The following NRG1 variants were observed in gnomAD, a reference collection of about 807,000 sequenced individuals.
NRG1 encodes neuregulin 1.
Under a neutral mutation model 63.8 loss-of-function variants are expected in NRG1, and 18 were observed. That is an observed-to-expected ratio of 0.28 (90% CI 0.19 to 0.42). The LOEUF (loss-of-function observed/expected upper bound fraction) is 0.42. Among genes scored for constraint, NRG1 ranks in the 10% least tolerant of loss-of-function variants. The pLI is 1.00. For synonymous variants in NRG1, 302 were observed against 301.3 expected (o/e 1.00, Z -0.02); for missense variants, 762 against 814.7 (o/e 0.94, Z 0.79).
intron 1 of NRG1, among the ~76,000 whole-genome samples, chr8:32,394,376 A>T (rs1362621218): frequency 5.9e-5 from 9 of 152,080 alleles, no homozygotes; most frequent in Non-Finnish European, 1.3e-4. Flanking sequence ...TCTGTCTACC[A>T]CTTTGTATCA....
At chr8:32,545,753 GA>G (rs1431507770), upstream of NRG1, among the ~76,000 whole-genome samples, 1 of 151,896 alleles carries the variant, frequency 6.6e-6, no homozygotes, top group African/African-American at 2.4e-5. Context: ...ACGATTTTTA[GA>G]AAAAAACCTT....
intron 1 of NRG1, among the ~76,000 whole-genome samples, chr8:31,938,034 G>A (rs1390249136): frequency 6.6e-6 from 1 of 152,112 alleles, no homozygotes; most frequent in Non-Finnish European, 1.5e-5. Context: ...CCTAGGGCAA[G>A]TTTGCAACCT....
At chr8:32,180,843 T>A (rs55856650) in intron 1 of NRG1, among the ~76,000 whole-genome samples, 8,541 of 152,128 alleles carry the variant, frequency 0.056, 402 homozygotes, top group East Asian at 0.26. Context: ...TTGTAAATAG[T>A]CCTCTTAGAA....
chr8:32,616,952 T>G, intron 5 of NRG1, 67 bp downstream of exon 5: 5 of 1,152,094 alleles, frequency 4.3e-6, no homozygotes, highest in Non-Finnish European at 6.6e-6. Context: ...TGGAAGGTCA[T>G]GTTCACGTCT....
chr8:32,213,202 G>A (rs572416556), intron 1 of NRG1, among the ~76,000 whole-genome samples: 1 of 152,164 alleles, frequency 6.6e-6, no homozygotes, highest in East Asian at 1.9e-4. Context: ...GCAAAGACAT[G>A]GAATTTACCC....
intron 6 of NRG1, among the ~76,000 whole-genome samples, chr8:32,733,226 G>A (rs1035552597): frequency 1.3e-5 from 2 of 152,042 alleles, no homozygotes; most frequent in Middle Eastern, 3.2e-3. Flanking sequence ...CTGATCATTA[G>A]TTTCCTTATA....
At chr8:31,860,460 T>C (rs1332645096) in intron 1 of NRG1, among the ~76,000 whole-genome samples, 5 of 152,162 alleles carry the variant, frequency 3.3e-5, no homozygotes, top group Non-Finnish European at 7.3e-5. Context: ...ACCTAATGAT[T>C]GATGTGAATC....
intron 1 of NRG1, among the ~76,000 whole-genome samples, chr8:31,720,048 A>G (rs1035279163): frequency 6.6e-6 from 1 of 152,160 alleles, no homozygotes; most frequent in Non-Finnish European, 1.5e-5. Flanking sequence ...GAAAAAAATA[A>G]CTTTTAAAAA....
At chr8:32,724,240 A>G (rs1821460737) in intron 5 of NRG1, among the ~76,000 whole-genome samples, 1 of 152,220 alleles carries the variant, frequency 6.6e-6, no homozygotes. Context: ...CTAGAAGACA[A>G]CTTACAAATT....
chr8:32,439,855 T>C (rs1819298801), intron 1 of NRG1, among the ~76,000 whole-genome samples: 1 of 142,476 alleles, frequency 7.0e-6, no homozygotes, highest in African/African-American at 2.5e-5. Context: ...ACTGCAGCCT[T>C]GATCTTCTGG....
At chr8:32,141,017 C>A (rs1045673372) in intron 1 of NRG1, among the ~76,000 whole-genome samples, 2 of 152,046 alleles carry the variant, frequency 1.3e-5, no homozygotes, top group African/African-American at 2.4e-5. Context: ...CTCTTTTTCT[C>A]TGTCAATTAT....
intron 1 of NRG1, among the ~76,000 whole-genome samples, chr8:32,258,733 A>T (rs1050656486): frequency 6.6e-6 from 1 of 152,128 alleles, no homozygotes; most frequent in Admixed American, 6.6e-5. Flanking sequence ...CACCCCCATG[A>T]TCCAATCACC....
At chr8:32,728,141 T>A in intron 6 of NRG1, 63 bp downstream of exon 6, 7 of 1,596,056 alleles carry the variant, frequency 4.4e-6, no homozygotes, top group Non-Finnish European at 6.0e-6. Flanking sequence ...TGATTCTATG[T>A]CTCATGATGT....
At chr8:32,622,193 A>T (rs539016965) in intron 5 of NRG1, among the ~76,000 whole-genome samples, 13 of 152,300 alleles carry the variant, frequency 8.5e-5, no homozygotes, top group African/African-American at 2.9e-4. Context: ...TGCTTGAGCA[A>T]ATTGATCATT....
intron 1 of NRG1, among the ~76,000 whole-genome samples, chr8:31,935,252 G>C (rs1369296667): frequency 1.3e-5 from 2 of 151,996 alleles, no homozygotes; most frequent in East Asian, 3.9e-4. Context: ...AAGTAGCTAG[G>C]ACCACAGACA....
intron 1 of NRG1, among the ~76,000 whole-genome samples, chr8:32,424,531 G>A (rs963606166): frequency 1.3e-5 from 2 of 152,192 alleles, no homozygotes; most frequent in Non-Finnish European, 2.9e-5. Flanking sequence ...TGAGTCAGGA[G>A]ATCTGGTTTA....
intron 1 of NRG1, among the ~76,000 whole-genome samples, chr8:31,674,421 C>T (rs576805002): frequency 7.9e-5 from 12 of 152,248 alleles, no homozygotes; most frequent in African/African-American, 2.9e-4. Context: ...ATACAAGTCC[C>T]TTATTGGATA....
chr8:32,410,472 C>T (rs1280511543), intron 1 of NRG1, among the ~76,000 whole-genome samples: 1 of 152,016 alleles, frequency 6.6e-6, no homozygotes, highest in African/African-American at 2.4e-5. Context: ...AGGCCAAAAG[C>T]ATCTTCTCAA....
chr8:31,773,787 A>G (rs1473363579), intron 1 of NRG1, among the ~76,000 whole-genome samples: 1 of 152,150 alleles, frequency 6.6e-6, no homozygotes, highest in Non-Finnish European at 1.5e-5. Context: ...GAGATGTTTA[A>G]TGATCCCCCC....
Sources: allele counts gnomAD v4.1 joint callset (sites outside exome capture counted in the v4.1 genomes callset), GRCh38; gene constraint gnomAD v4.1.1; transcripts MANE v1.5; gene names NCBI Gene and HGNC (gene_info 2026-07-23, HGNC 2026-07-21).